SLC7A11: variants seen among roughly 807,000 people sequenced by gnomAD.
SLC7A11 encodes solute carrier family 7 member 11, also known as cystine/glutamate transporter.
SLC7A11 carries 35 observed loss-of-function variants against 54.5 expected under a neutral mutation model. The observed-to-expected ratio is 0.64, with a 90% confidence interval of 0.49 to 0.85. The LOEUF (loss-of-function observed/expected upper bound fraction) is 0.85. SLC7A11 is among the 40% of genes least tolerant of loss of function. The pLI, the probability that SLC7A11 is intolerant of heterozygous loss-of-function variation, is 0.00. For missense variants in SLC7A11, 583 were observed against 618.1 expected, an observed-to-expected ratio of 0.94 and a Z score of 0.60; for synonymous variants, 230 against 225.2, an observed-to-expected ratio of 1.02 and a Z score of -0.19.
At chr4:138,215,569 G>A (rs1243760474) in intron 5 of SLC7A11, among the ~76,000 whole-genome samples, 1 of 151,942 alleles carries the variant, frequency 6.6e-6, no homozygotes, top group Non-Finnish European at 1.5e-5. Context: ...TAGCAGTAAC[G>A]GTGATCTAAA....
chr4:138,175,211 T>C (rs1386524209), intron 11 of SLC7A11, among the ~76,000 whole-genome samples: 2 of 152,218 alleles, frequency 1.3e-5, no homozygotes, highest in East Asian at 1.9e-4. Flanking sequence ...GTATGCAGCA[T>C]ATGCTTTTAG....
chr4:138,203,788 C>G (rs1317102840), intron 6 of SLC7A11, among the ~76,000 whole-genome samples: 4 of 152,062 alleles, frequency 2.6e-5, no homozygotes, highest in African/African-American at 4.8e-5. Flanking sequence ...TTAATTGTCT[C>G]CAAGCACTGC....
chr4:138,182,014 C>T (rs1419275764), intron 9 of SLC7A11, among the ~76,000 whole-genome samples: 1 of 151,946 alleles, frequency 6.6e-6, no homozygotes, highest in African/African-American at 2.4e-5. Context: ...GGTGCTATGT[C>T]AATGAGAGGA....
rs562864283 is a variant in SLC7A11 at position 138,209,310 on chromosome 4, A to G, written c.791+5275T>C. 5.3e-5 allele frequency among the ~76,000 whole-genome samples: 8 copies of G among 152,108 alleles called. No individual in the cohort carries two copies. The East Asian group carries it at 1.5e-3, about 29-fold the overall frequency. On this transcript the variant is annotated intron_variant, in intron 6 of 11. Coordinates refer to ENST00000280612, the MANE Select transcript of SLC7A11 (RefSeq NM_014331.4). ...TGCATGTTGCCGCACACCTGGACAC[A>G]TGTATCCATGACTGATTGGGAAACA...
At chr4:138,238,304 A>G (rs1013672522) in intron 1 of SLC7A11, among the ~76,000 whole-genome samples, 1 of 152,180 alleles carries the variant, frequency 6.6e-6, no homozygotes, top group Non-Finnish European at 1.5e-5. Flanking sequence ...GGCAAGCACC[A>G]CATGAAATAT....
At chr4:138,222,818 AC>A in intron 4 of SLC7A11, among the ~76,000 whole-genome samples, 1 of 152,164 alleles carries the variant, frequency 6.6e-6, no homozygotes, top group East Asian at 1.9e-4. Flanking sequence ...CTTTCCAGAT[AC>A]CTTTTTCTCT....
At chr4:138,190,379 T>G (rs1295537249) in intron 6 of SLC7A11, among the ~76,000 whole-genome samples, 1 of 152,150 alleles carries the variant, frequency 6.6e-6, no homozygotes, top group African/African-American at 2.4e-5. Flanking sequence ...GTAATTTATC[T>G]CAACATAAAG....
In SLC7A11 at chr4:138,236,439, T is replaced by A; in HGVS notation, c.290A>T (p.Tyr97Phe). ...CTTTATAGTTGTTCCCAATTCAGCA[T>A]AAGACAAAGCTCCTGTGAAATATTT... Reference protein sequence around the residue: ...GVLSLFGALSYAELGTTIKKS... With the variant: ...GVLSLFGALSFAELGTTIKKS... The change falls in exon 2 of 12, where the codon TAT becomes TTT. Residue 97 changes from tyrosine to phenylalanine, a missense_variant. Physicochemically the swap from Tyr to Phe is conservative, Grantham distance 22. Coordinates refer to ENST00000280612, the MANE Select transcript of SLC7A11 (RefSeq NM_014331.4). The A allele has an allele frequency of 1.2e-6, 2 of 1,606,232 alleles. No homozygotes were observed. Among genetic ancestry groups the A allele is most frequent in the Non-Finnish European group, 1.7e-6 (2 of 1,177,810 alleles).
In SLC7A11 at chr4:138,173,805, C is replaced by T. The variant is rs192178699; in HGVS notation, c.1445-1788G>A. Among the ~76,000 whole-genome samples the T allele has an allele frequency of 1.5e-3, 228 of 152,100 alleles. 2 individuals are homozygous for T. In the Middle Eastern group the frequency reaches 0.021, roughly 14 times the overall value. On this transcript the variant is annotated intron_variant, in intron 11 of 11. Transcript: ENST00000280612. ...TAAACTGTATTTTACACAGCCGACT[C>T]TTTACATTGAGATGTAAGTGCAGCA...
chr4:138,195,680 G>A (rs775537172), intron 6 of SLC7A11, among the ~76,000 whole-genome samples: 21 of 152,120 alleles, frequency 1.4e-4, no homozygotes, highest in Non-Finnish European at 2.8e-4. Context: ...TTTTTAATAT[G>A]AAGATAAACT....
intron 3 of SLC7A11, among the ~76,000 whole-genome samples, chr4:138,227,938 G>A (rs1281377389): frequency 6.6e-6 from 1 of 152,182 alleles, no homozygotes; most frequent in African/African-American, 2.4e-5. Context: ...ACTTATGGTA[G>A]AAAAGAAGTA....
Position 138,197,893 on chromosome 4 carries a change from C to G in SLC7A11, c.792-12649G>C, listed in dbSNP as rs373334916. On this transcript the variant is annotated intron_variant, in intron 6 of 11. Transcript: ENST00000280612. Reference sequence around the variant, plus strand: ...CAACTTAGTATATAACATAAAAATACATTAATTTTATTATTATAATGACAA... The same window carrying G: ...CAACTTAGTATATAACATAAAAATAGATTAATTTTATTATTATAATGACAA... 6.9e-4 allele frequency among the ~76,000 whole-genome samples: 104 copies of G among 150,910 alleles called. 1 individual carries two copies. In the South Asian group the frequency reaches 0.02, roughly 30 times the overall value.
At chr4:138,193,752 CTG>C (rs1369847777) in intron 6 of SLC7A11, among the ~76,000 whole-genome samples, 2 of 152,106 alleles carry the variant, frequency 1.3e-5, no homozygotes, top group Non-Finnish European at 2.9e-5. Flanking sequence ...TGAGCCAAGA[CTG>C]TGCCACTGCA....
chr4:138,190,496 C>G (rs1736983733), intron 6 of SLC7A11, among the ~76,000 whole-genome samples: 1 of 152,080 alleles, frequency 6.6e-6, no homozygotes, highest in Admixed American at 6.6e-5. Flanking sequence ...GAAAGCTTTT[C>G]TGTAGGTCTG....
At chr4:138,224,815 AAAGG>A (rs138629758) in intron 3 of SLC7A11, among the ~76,000 whole-genome samples, 86,927 of 135,398 alleles carry the variant, frequency 0.64, 28,716 homozygotes, top group Middle Eastern at 0.74. Flanking sequence ...AGGAAGGATG[AAAGG>A]AAGGAAGGAA....
At chr4:138,187,797 A>C (rs2148417131) in intron 6 of SLC7A11, among the ~76,000 whole-genome samples, 1 of 152,308 alleles carries the variant, frequency 6.6e-6, no homozygotes, top group African/African-American at 2.4e-5. Context: ...TTTGGGAAAT[A>C]GAATTTTAAA....
intron 6 of SLC7A11, among the ~76,000 whole-genome samples, chr4:138,202,064 C>G (rs1737298445): frequency 1.3e-5 from 2 of 152,040 alleles, no homozygotes; most frequent in Non-Finnish European, 2.9e-5. Context: ...TACTTATGGG[C>G]AATCCCATAT....
intron 11 of SLC7A11, chr4:138,177,047 AC>A (rs1406427608): frequency 6.6e-6 from 1 of 152,124 alleles, no homozygotes; most frequent in Admixed American, 6.6e-5. Context: ...CTTTGGGGAA[AC>A]AAAATCCAGA....
intron 6 of SLC7A11, among the ~76,000 whole-genome samples, chr4:138,212,972 C>T (rs530122328): frequency 2.6e-5 from 4 of 151,978 alleles, no homozygotes; most frequent in Admixed American, 6.6e-5. Flanking sequence ...TAATTTATTT[C>T]CCGTAATAGA....
Sources: gnomAD v4.1 joint callset for allele counts (sites outside exome capture counted in the v4.1 genomes callset) on GRCh38, gnomAD v4.1.1 for gene constraint, MANE v1.5 for transcripts, NCBI Gene and HGNC (gene_info 2026-07-23, HGNC 2026-07-21) for gene names.